PVR: variants seen among roughly 807,000 people sequenced by gnomAD.
PVR encodes the protein poliovirus receptor.
Under a neutral mutation model 43.3 loss-of-function variants are expected in PVR, and 39 were observed. The observed-to-expected ratio is 0.90, with a 90% confidence interval of 0.70 to 1.18. The LOEUF is 1.18. PVR is among the 50% of genes most tolerant of loss of function. The pLI is 0.00. For synonymous variants in PVR, 224 were observed against 233.2 expected, an observed-to-expected ratio of 0.96 and a Z score of 0.36; for missense variants, 480 against 549.7, an observed-to-expected ratio of 0.87 and a Z score of 1.27.
intron 6 of PVR, among the ~76,000 whole-genome samples, chr19:44,660,043 A>G (rs1223136188): frequency 6.6e-6 from 1 of 152,124 alleles, no homozygotes; most frequent in Admixed American, 6.5e-5. Context: ...GCATGAGCCA[A>G]GCATCCACTA....
chr19:44,663,258 A>T lies in PVR; in HGVS notation c.*1447A>T, dbSNP rs1055361138. On this transcript the variant is annotated 3_prime_UTR_variant, in exon 8 of 8. Coordinates refer to ENST00000425690, the MANE Select transcript of PVR (RefSeq NM_006505.5). The stretch of plus-strand genomic sequence containing the variant: ...ACAGCAGAATTCCTCTTATAAAGAA[A>T]ACTGTTTGGGAAAATACGTTGAGGG... The T allele has an allele frequency of 6.6e-6, 1 of 152,194 alleles. No individual in the cohort carries two copies. The highest frequency in any genetic ancestry group is 2.4e-5 in the African/African-American group (1 of 41,442). 9.4% of individuals were successfully genotyped at this position (152,194 alleles called of 1,614,324 possible).
At chr19:44,653,749 A>T (rs372579293) in intron 3 of PVR, 151 bp from the exon 4 acceptor site, 1 of 622,064 alleles carries the variant, frequency 1.6e-6, no homozygotes, top group Non-Finnish European at 2.9e-6. Context: ...TCTCTGTGGC[A>T]CCCCATCTAC....
At chr19:44,649,105 C>G (rs1007537339) in intron 2 of PVR, among the ~76,000 whole-genome samples, 2 of 152,154 alleles carry the variant, frequency 1.3e-5, no homozygotes, top group Admixed American at 1.3e-4. Context: ...AGGATAACCC[C>G]CTTTGGGTTT....
chr19:44,648,739 A>C (rs1197021247), intron 2 of PVR, among the ~76,000 whole-genome samples: 3 of 152,140 alleles, frequency 2.0e-5, no homozygotes, highest in African/African-American at 7.2e-5. Context: ...GAAACTCATG[A>C]AATGTCAAGG....
In PVR at chr19:44,649,823, A is replaced by G. The variant is rs750615896; in HGVS notation, c.442A>G (p.Thr148Ala). 3.7e-6 allele frequency: 6 copies of G among 1,613,792 alleles called. No individual in the cohort carries two copies. The African/African-American group carries it at 8.0e-5, about 22-fold the overall frequency. The change falls in exon 3 of 8, where the codon ACA becomes GCA. Residue 148 changes from threonine to alanine, a missense_variant. Coordinates refer to ENST00000425690, the MANE Select transcript of PVR (RefSeq NM_006505.5). Reference protein sequence around the residue: ...WLRVLAKPQNTAEVQKVQLTG... With the variant: ...WLRVLAKPQNAAEVQKVQLTG... Reference sequence around the variant, plus strand: ...CCTCTTCCCAGCCAAGCCCCAGAACACAGCTGAGGTTCAGAAGGTCCAGCT... The same window carrying G: ...CCTCTTCCCAGCCAAGCCCCAGAACGCAGCTGAGGTTCAGAAGGTCCAGCT...
At position 44,661,789 on chromosome 19, in the gene PVR, C is replaced by A; in HGVS notation, c.1232C>A (p.Pro411Gln). The part of the protein sequence containing the change: ...VSRENSSSQD[P>Q]QTEGTR ...AGAGAGAACAGCTCTTCCCAGGATC[C>A]ACAGACAGAGGGCACAAGGTGACAG... Residue 411 changes from proline to glutamine, a missense_variant, in exon 8 of 8, where the codon CCA becomes CAA. By Grantham distance (76) the Pro-to-Gln change is moderately conservative. Transcript: ENST00000425690. 1 of 1,614,012 alleles carries A rather than the reference C, an allele frequency of 6.2e-7. No individual in the cohort carries two copies. Among genetic ancestry groups the A allele is most frequent in the East Asian group, 2.2e-5 (1 of 44,874 alleles).
chr19:44,643,941 A>C lies in PVR; in HGVS notation c.-156A>C. Reference sequence around the variant, plus strand: ...TTGTCTGGAGCTTGAAGAAGTGGGTATTCCCCTTCCCACCCCAGGCACTGG... The same window carrying C: ...TTGTCTGGAGCTTGAAGAAGTGGGTCTTCCCCTTCCCACCCCAGGCACTGG... On this transcript the variant is annotated 5_prime_UTR_variant, in exon 1 of 8. Transcript: ENST00000425690. The C allele has an allele frequency of 1.8e-6, 1 of 544,200 alleles. No homozygotes were observed. Among genetic ancestry groups the C allele is most frequent in the Non-Finnish European group, 3.1e-6 (1 of 319,320 alleles). The allele number at this position is 544,200 out of a possible 1,614,324, so 33.7% of individuals were successfully genotyped here. A position where few individuals can be genotyped will look rare whatever the true frequency, so the allele number is the denominator to read the frequency against.
rs781234165 is a variant in PVR, at chr19:44,661,278, TC to T, written c.1151-12del. 10 of 1,612,512 alleles carry T rather than the reference TC, an allele frequency of 6.2e-6. No homozygotes were observed. In the South Asian group the frequency reaches 1.1e-4, roughly 18 times the overall value. On this transcript the variant is annotated splice_polypyrimidine_tract_variant and intron_variant, in intron 6 of 7. Transcript: ENST00000425690. ...ATTATTCCTTCCTGACGACTTCCCC[TC>T]CTATTTCCCCAGGTACAGAGCATGC...
chr19:44,660,704 A>T (rs536202602), intron 6 of PVR, among the ~76,000 whole-genome samples: 2 of 152,032 alleles, frequency 1.3e-5, no homozygotes, highest in East Asian at 3.9e-4. Context: ...TTATATTTTT[A>T]GTAGAGATGG....
At chr19:44,647,057 G>A (rs1401140933) in intron 1 of PVR, among the ~76,000 whole-genome samples, 166 bp from the exon 2 acceptor site, 1 of 152,140 alleles carries the variant, frequency 6.6e-6, no homozygotes, top group Non-Finnish European at 1.5e-5. Context: ...GCCTGCCATG[G>A]CCCCAACTAG....
chr19:44,652,057 T>G (rs1274858389), intron 3 of PVR, among the ~76,000 whole-genome samples: 1 of 152,130 alleles, frequency 6.6e-6, no homozygotes, highest in Non-Finnish European at 1.5e-5. Flanking sequence ...CTCGGGAGAC[T>G]GAGGCAGGAG....
intron 5 of PVR, among the ~76,000 whole-genome samples, chr19:44,658,168 A>G (rs1973503621): frequency 6.6e-6 from 1 of 152,176 alleles, no homozygotes; most frequent in Admixed American, 6.6e-5. Flanking sequence ...GCCTTTCCAA[A>G]TATATTAGGC....
Position 44,655,787 on chromosome 19 carries a change from GT to G in PVR, c.842+1773del, listed in dbSNP as rs949864269. ...CATTTTACTGTGCTTGCTTTATCAC[GT>G]TTCTGTGATTCCTTCAGTCCCTCTA... is the stretch of plus-strand genomic sequence containing the variant. On this transcript the variant is annotated intron_variant, in intron 4 of 7. Transcript: ENST00000425690. 4.6e-3 allele frequency among the ~76,000 whole-genome samples: 685 copies of G among 148,770 alleles called. 8 individuals are homozygous for G. The highest frequency in any genetic ancestry group is 0.016 in the African/African-American group (654 of 40,408).
At position 44,661,802 on chromosome 19, in the gene PVR, C is replaced by T. The variant is rs1367286274; in HGVS notation, c.1245C>T (p.Gly415=). The T allele has an allele frequency of 6.2e-7, 1 of 1,613,750 alleles. No homozygotes were observed. Among genetic ancestry groups the T allele is most frequent in the East Asian group, 2.2e-5 (1 of 44,894 alleles). ...CTTCCCAGGATCCACAGACAGAGGG[C>T]ACAAGGTGACAGCGTCGGGACTGAG... is the stretch of plus-strand genomic sequence containing the variant. ...NSSSQDPQTE[G]TR The change falls in exon 8 of 8, where the codon GGC becomes GGT. Residue 415 remains glycine (G), a synonymous_variant. Coordinates refer to ENST00000425690, the MANE Select transcript of PVR (RefSeq NM_006505.5).
Position 44,644,494 on chromosome 19 carries a change from T to G in PVR, c.79+319T>G, listed in dbSNP as rs1410623090. On this transcript the variant is annotated intron_variant, in intron 1 of 7. Coordinates refer to ENST00000425690, the MANE Select transcript of PVR (RefSeq NM_006505.5). ...TGAGGAAATTTCCCAAAAAGGCAAG[T>G]GAATCCCGGAAAATCAGCAGATGGT... Among the ~76,000 whole-genome samples, 5 of 152,066 alleles carry G rather than the reference T, an allele frequency of 3.3e-5. No individual in the cohort carries two copies. The South Asian group carries it at 8.3e-4, about 25-fold the overall frequency.
Position 44,663,245 on chromosome 19 carries a change from C to G in PVR, c.*1434C>G, listed in dbSNP as rs1278228789. On this transcript the variant is annotated 3_prime_UTR_variant, in exon 8 of 8. Transcript: ENST00000425690. Reference sequence around the variant, plus strand: ...ATCTTGAGGGCAGACAGCAGAATTCCTCTTATAAAGAAAACTGTTTGGGAA... The same window carrying G: ...ATCTTGAGGGCAGACAGCAGAATTCGTCTTATAAAGAAAACTGTTTGGGAA... 1 of 152,172 alleles carries G rather than the reference C, an allele frequency of 6.6e-6. No individual in the cohort carries two copies. Among genetic ancestry groups the G allele is most frequent in the Non-Finnish European group, 1.5e-5 (1 of 68,048 alleles). 9.4% of individuals were successfully genotyped at this position (152,172 alleles called of 1,614,324 possible). A position where few individuals can be genotyped will look rare whatever the true frequency, so the allele number is the denominator to read the frequency against.
intron 3 of PVR, among the ~76,000 whole-genome samples, chr19:44,653,305 C>T (rs1973332473): frequency 1.3e-5 from 2 of 152,092 alleles, no homozygotes; most frequent in South Asian, 4.2e-4. Flanking sequence ...ACTGCTTACT[C>T]CCCGCCAGGC....
At chr19:44,656,247 A>G (rs1009193774) in intron 4 of PVR, among the ~76,000 whole-genome samples, 4 of 152,152 alleles carry the variant, frequency 2.6e-5, no homozygotes, top group Non-Finnish European at 2.9e-5. Context: ...GAGGACACAG[A>G]TGTCATTTTC....
intron 3 of PVR, among the ~76,000 whole-genome samples, chr19:44,650,348 C>T (rs1485242844): frequency 1.3e-5 from 2 of 152,154 alleles, no homozygotes; most frequent in Non-Finnish European, 2.9e-5. Context: ...AGACTGTCTG[C>T]CCTGGCTCCT....
Sources: gnomAD v4.1 joint callset for allele counts (sites outside exome capture counted in the v4.1 genomes callset) on GRCh38, gnomAD v4.1.1 for gene constraint, MANE v1.5 for transcripts, NCBI Gene and HGNC (gene_info 2026-07-23, HGNC 2026-07-21) for gene names.